The following PAQR8 variants were observed in gnomAD, a reference collection of about 807,000 sequenced individuals.
The protein encoded by PAQR8 is progestin and adipoQ receptor family member 8, also known as membrane progestin receptor beta.
A neutral mutation model predicts 25.2 loss-of-function variants in PAQR8; 17 were observed. That is an observed-to-expected ratio of 0.67 (90% CI 0.46 to 1.01). The LOEUF (loss-of-function observed/expected upper bound fraction) is 1.01. Among genes scored for constraint, PAQR8 ranks in the 50% least tolerant of loss-of-function variants. The pLI is 0.00. For missense variants in PAQR8, 392 were observed against 448.4 expected, an observed-to-expected ratio of 0.87 and a Z score of 1.14; for synonymous variants, 204 against 190.6, an observed-to-expected ratio of 1.07 and a Z score of -0.58.
intron 1 of PAQR8, among the ~76,000 whole-genome samples, chr6:52,386,589 T>C (rs1214327846): frequency 6.6e-6 from 1 of 152,210 alleles, no homozygotes; most frequent in Admixed American, 6.5e-5. Flanking sequence ...AAATACCACA[T>C]GTTTTTACTT....
In PAQR8 at chr6:52,404,023, C is replaced by T; in HGVS notation, c.810C>T (p.Tyr270=). 6.2e-7 allele frequency: 1 copy of T among 1,614,230 alleles called. No homozygotes were observed. The highest frequency in any genetic ancestry group is 8.5e-7 in the Non-Finnish European group (1 of 1,180,048). Residue 270 remains tyrosine (Y), a synonymous_variant, in exon 2 of 2, where the codon TAC becomes TAT. Transcript: ENST00000442253. ...YFFSCPVPEK[Y]FPGSCDIVGH... is the part of the protein sequence containing the mutation. Reference sequence around the variant, plus strand: ...TCTCCTGCCCCGTGCCTGAGAAGTACTTCCCGGGTTCCTGTGACATCGTGG... The same window carrying T: ...TCTCCTGCCCCGTGCCTGAGAAGTATTTCCCGGGTTCCTGTGACATCGTGG...
In PAQR8 at chr6:52,407,179, C is replaced by T. The variant is rs1763920678; in HGVS notation, c.*2901C>T. ...CTCTCTCTCTCTTAATTTAGACTTT[C>T]AACCTATGAAAATGTAAATACCTTT... On this transcript the variant is annotated 3_prime_UTR_variant, in exon 2 of 2. Transcript: ENST00000442253. 1 of 167,008 alleles carries T rather than the reference C, an allele frequency of 6.0e-6. No homozygotes were observed. Among genetic ancestry groups the T allele is most frequent in the African/African-American group, 2.4e-5 (1 of 41,436 alleles). The allele number at this position is 167,008 out of a possible 1,614,324, so 10.3% of individuals were successfully genotyped here. A position where few individuals can be genotyped will look rare whatever the true frequency, so the allele number is the denominator to read the frequency against.
intron 1 of PAQR8, among the ~76,000 whole-genome samples, chr6:52,370,004 C>T (rs549125247): frequency 6.6e-6 from 1 of 151,708 alleles, no homozygotes; most frequent in South Asian, 2.1e-4. Flanking sequence ...ACTGATTCCG[C>T]AAATCTTGGT....
At chr6:52,370,037 T>G (rs1304385884) in intron 1 of PAQR8, among the ~76,000 whole-genome samples, 5 of 152,118 alleles carry the variant, frequency 3.3e-5, no homozygotes, top group African/African-American at 1.2e-4. Flanking sequence ...TTCATGTTAA[T>G]TCATGAAGTG....
rs931378895 is a variant in PAQR8, at chr6:52,406,708, G to A, written c.*2430G>A. On this transcript the variant is annotated 3_prime_UTR_variant, in exon 2 of 2. Coordinates refer to ENST00000442253, the MANE Select transcript of PAQR8 (RefSeq NM_133367.5). ...CTCCTAAGTACCTGGTACTACAGGC[G>A]CGTGCCACCACACCTGGCTAATTTT... is the stretch of plus-strand genomic sequence containing the variant. 3.7e-5 allele frequency: 15 copies of A among 401,676 alleles called. No individual in the cohort carries two copies. Among genetic ancestry groups the A allele is most frequent in the East Asian group, 1.8e-4 (5 of 27,840 alleles). 24.9% of individuals were successfully genotyped at this position (401,676 alleles called of 1,614,324 possible).
intron 1 of PAQR8, among the ~76,000 whole-genome samples, chr6:52,397,886 G>A (rs1190915284): frequency 6.6e-6 from 1 of 152,140 alleles, no homozygotes; most frequent in Non-Finnish European, 1.5e-5. Flanking sequence ...ACATCATGAT[G>A]ACAATATGTG....
At chr6:52,366,878 T>C (rs1355571905) in intron 1 of PAQR8, among the ~76,000 whole-genome samples, 3 of 152,096 alleles carry the variant, frequency 2.0e-5, no homozygotes, top group African/African-American at 7.2e-5. Flanking sequence ...GCCTCCTGAG[T>C]AGCTGGGATT....
At chr6:52,364,468 T>A (rs1192172394) in intron 1 of PAQR8, among the ~76,000 whole-genome samples, 1 of 152,208 alleles carries the variant, frequency 6.6e-6, no homozygotes, top group Non-Finnish European at 1.5e-5. Flanking sequence ...AATGTTAAAA[T>A]AAATATGCCA....
chr6:52,363,802 G>C (rs1056498278), intron 1 of PAQR8, among the ~76,000 whole-genome samples: 3 of 152,172 alleles, frequency 2.0e-5, no homozygotes, highest in African/African-American at 7.2e-5. Context: ...AACTGGAAGG[G>C]AGCCAGACTG....
At position 52,406,229 on chromosome 6, in the gene PAQR8, G is replaced by T. The variant is rs1562436206; in HGVS notation, c.*1951G>T. On this transcript the variant is annotated 3_prime_UTR_variant, in exon 2 of 2. Coordinates refer to ENST00000442253, the MANE Select transcript of PAQR8 (RefSeq NM_133367.5). ...GAAGGTCAATTTAAAATAGGGACTA[G>T]AAATTATTTGAAGTTTTCTTTATTA... 8.5e-6 allele frequency: 3 copies of T among 351,686 alleles called. No individual in the cohort carries two copies. Among genetic ancestry groups the T allele is most frequent in the Non-Finnish European group, 1.6e-5 (3 of 188,424 alleles). The allele number at this position is 351,686 out of a possible 1,614,324, so 21.8% of individuals were successfully genotyped here.
chr6:52,364,161 C>T (rs1448868385), intron 1 of PAQR8, among the ~76,000 whole-genome samples: 1 of 137,942 alleles, frequency 7.2e-6, no homozygotes, highest in Admixed American at 8.4e-5. Context: ...TCTTCTGACA[C>T]ACACTGAGAT....
At chr6:52,379,991 C>A (rs1451891408) in intron 1 of PAQR8, among the ~76,000 whole-genome samples, 2 of 151,500 alleles carry the variant, frequency 1.3e-5, no homozygotes, top group Admixed American at 6.6e-5. Context: ...CAACTCCTGA[C>A]CTCATGAGAT....
chr6:52,371,399 T>C (rs1311895376), intron 1 of PAQR8, among the ~76,000 whole-genome samples: 1 of 152,186 alleles, frequency 6.6e-6, no homozygotes, highest in African/African-American at 2.4e-5. Context: ...AGCACTTTTT[T>C]TCTCCTTTTT....
At chr6:52,367,511 GT>G (rs1763367642) in intron 1 of PAQR8, among the ~76,000 whole-genome samples, 1 of 152,106 alleles carries the variant, frequency 6.6e-6, no homozygotes, top group South Asian at 2.1e-4. Flanking sequence ...TCCAAAGACT[GT>G]GCTTTAAACA....
chr6:52,395,700 G>A (rs1251319940), intron 1 of PAQR8, among the ~76,000 whole-genome samples: 1 of 152,000 alleles, frequency 6.6e-6, no homozygotes, highest in Non-Finnish European at 1.5e-5. Context: ...ATCCTTCAGT[G>A]GGCTCTTTAT....
intron 1 of PAQR8, among the ~76,000 whole-genome samples, chr6:52,365,416 T>G (rs1763340709): frequency 6.6e-6 from 1 of 152,212 alleles, no homozygotes; most frequent in Non-Finnish European, 1.5e-5. Flanking sequence ...TCATCTCTTT[T>G]GGCCTCAGTT....
chr6:52,379,229 C>T lies in PAQR8; in HGVS notation c.-53+16980C>T, dbSNP rs1312725635. 5.9e-5 allele frequency among the ~76,000 whole-genome samples: 9 copies of T among 151,962 alleles called. No individual in the cohort carries two copies. In the South Asian group the frequency reaches 1.9e-3, roughly 31 times the overall value. ...GTATGATTCCACTTATATAACGGAC[C>T]TAGAGTAGTGTTCTCTGAATTCATA... On this transcript the variant is annotated intron_variant, in intron 1 of 1. Coordinates refer to ENST00000442253, the MANE Select transcript of PAQR8 (RefSeq NM_133367.5).
intron 1 of PAQR8, among the ~76,000 whole-genome samples, chr6:52,379,721 G>A (rs1187575354): frequency 6.7e-6 from 1 of 149,780 alleles, no homozygotes; most frequent in Non-Finnish European, 1.5e-5. Context: ...CCGCCTCCCG[G>A]GTTCACGCCA....
intron 1 of PAQR8, among the ~76,000 whole-genome samples, chr6:52,383,003 C>G (rs1256361795): frequency 6.6e-6 from 1 of 152,214 alleles, no homozygotes; most frequent in Non-Finnish European, 1.5e-5. Context: ...CCAGGCTGGT[C>G]TCAAACTCCT....
Sources: allele counts gnomAD v4.1 joint callset (sites outside exome capture counted in the v4.1 genomes callset), GRCh38; gene constraint gnomAD v4.1.1; transcripts MANE v1.5; gene names NCBI Gene and HGNC (gene_info 2026-07-23, HGNC 2026-07-21).